The following RBM4B variants were observed in gnomAD, a reference collection of about 807,000 sequenced individuals.
RBM4B encodes the protein RNA-binding protein 4B.
In RBM4B, 13 loss-of-function variants were observed where a neutral mutation model predicts 28.5. The observed-to-expected ratio is 0.46, with a 90% confidence interval of 0.30 to 0.72. RBM4B has a LOEUF of 0.72. RBM4B is among the 30% of genes least tolerant of loss of function. The pLI is 0.09. For missense variants in RBM4B, 387 were observed against 477.6 expected (o/e 0.81, Z 1.77); for synonymous variants, 167 against 179.1 (o/e 0.93, Z 0.54).
chr11:66,667,225 C>T (rs1261560705), intron 3 of RBM4B: 1 of 152,150 alleles, frequency 6.6e-6, no homozygotes, highest in Non-Finnish European at 1.5e-5. Context: ...ATGCCATTTC[C>T]ACTCAGATGA....
At chr11:66,676,416 G>A in intron 2 of RBM4B, 1 of 578,542 alleles carries the variant, frequency 1.7e-6, no homozygotes, top group Non-Finnish European at 3.0e-6. Flanking sequence ...ATCAATGCAA[G>A]AATCCCGCAG....
At chr11:66,677,154 G>A in intron 1 of RBM4B, 63 bp from the exon 2 acceptor site, 1 of 1,558,476 alleles carries the variant, frequency 6.4e-7, no homozygotes, top group Non-Finnish European at 8.7e-7. Context: ...GTGCACTGCA[G>A]CATTTTCGTC....
At chr11:66,666,203 C>A (rs1331490818) in intron 3 of RBM4B, 1 of 862,406 alleles carries the variant, frequency 1.2e-6, no homozygotes, top group Non-Finnish European at 1.6e-6. Context: ...TCCTAGAATT[C>A]TCTAATCCTT....
At chr11:66,677,250 G>A (rs184908253) in intron 1 of RBM4B, 159 bp from the exon 2 acceptor site, 3 of 892,574 alleles carry the variant, frequency 3.4e-6, no homozygotes, top group Non-Finnish European at 5.0e-6. Flanking sequence ...GTTTGTTCTC[G>A]AGAAGTGCGA....
intron 3 of RBM4B, chr11:66,667,713 TAAA>T (rs762628258): frequency 1.9e-4 from 28 of 146,362 alleles, no homozygotes; most frequent in Middle Eastern, 3.2e-3. Context: ...TTTTTTTTTT[TAAA>T]TAAAGGAGAG....
chr11:66,666,593 T>G (rs1939237285), intron 3 of RBM4B: 1 of 187,572 alleles, frequency 5.3e-6, no homozygotes, highest in Non-Finnish European at 1.0e-5. Flanking sequence ...TAGCAATACC[T>G]TTTGAAGACC....
chr11:66,673,808 ATAACT>A (rs936080679), intron 2 of RBM4B, among the ~76,000 whole-genome samples: 1 of 152,192 alleles, frequency 6.6e-6, no homozygotes, highest in African/African-American at 2.4e-5. Flanking sequence ...ACAACTGAAA[ATAACT>A]TAAATTGAAA....
At chr11:66,665,846 C>A in intron 3 of RBM4B, 1 of 1,523,152 alleles carries the variant, frequency 6.6e-7, no homozygotes, top group Non-Finnish European at 8.8e-7. Context: ...CTTTCTTATC[C>A]ATCTTTTAGG....
chr11:66,675,334 G>A (rs1939603433), intron 2 of RBM4B, among the ~76,000 whole-genome samples: 1 of 152,148 alleles, frequency 6.6e-6, no homozygotes, highest in Non-Finnish European at 1.5e-5. Context: ...ATCTTAGTGA[G>A]GAAAATGAAG....
intron 2 of RBM4B, chr11:66,670,958 G>A (rs771110769): frequency 1.0e-5 from 7 of 702,434 alleles, no homozygotes; most frequent in South Asian, 8.9e-5. Context: ...GCAGCTATGC[G>A]AGAGGAAGCC....
At chr11:66,670,390 T>C (rs1041619660) in intron 2 of RBM4B, among the ~76,000 whole-genome samples, 1 of 152,070 alleles carries the variant, frequency 6.6e-6, no homozygotes, top group Admixed American at 6.6e-5. Context: ...ACAATTTTTA[T>C]AGGGATTAAC....
In RBM4B at chr11:66,676,734, C is replaced by T. The variant is rs759169247; in HGVS notation, c.346G>A (p.Val116Ile). The change falls in exon 2 of 4, where the codon GTA becomes ATA. Residue 116 changes from valine to isoleucine, a missense_variant. Val to Ile is a conservative substitution (Grantham distance 29). Coordinates refer to ENST00000310046, the MANE Select transcript of RBM4B (RefSeq NM_031492.4). ...ECDIVKDYAF[V>I]HMERAEDAVE... ...GCATCCTCTGCCCGCTCCATGTGTA[C>T]GAAGGCATAATCTTTCACGATGTCA... 1.9e-6 allele frequency: 3 copies of T among 1,614,132 alleles called. No homozygotes were observed. The highest frequency in any genetic ancestry group is 2.2e-5 in the South Asian group (2 of 91,078).
rs1187049789 is a variant in RBM4B at position 66,668,700 on chromosome 11, G to A, written c.1004C>T (p.Thr335Ile). 1.1e-5 allele frequency: 17 copies of A among 1,614,166 alleles called. No homozygotes were observed. The highest frequency in any genetic ancestry group is 1.4e-5 in the Non-Finnish European group (16 of 1,179,994). The part of the protein sequence containing the change: ...ESELSQASAA[T>I]RNSLYDMARY... ...GGCCATGTCATACAGAGAATTCCGTGTAGCTGCGGAAGCCTGAGATAATTC... is the reference window on the plus strand; with the variant it reads ...GGCCATGTCATACAGAGAATTCCGTATAGCTGCGGAAGCCTGAGATAATTC... Residue 335 changes from threonine (T) to isoleucine (I), a missense_variant, in exon 3 of 4, where the codon ACA becomes ATA. By Grantham distance (89) the Thr-to-Ile change is moderately conservative. This residue lies in a region of RBM4B where 226 missense variants were observed against 220.6 expected (regional missense o/e 1.02). Transcript: ENST00000310046.
At position 66,668,921 on chromosome 11, in the gene RBM4B, G is replaced by C; in HGVS notation, c.783C>G (p.Ser261Arg). The C allele has an allele frequency of 6.2e-7, 1 of 1,614,178 alleles. No homozygotes were observed. Among genetic ancestry groups the C allele is most frequent in the African/African-American group, 1.3e-5 (1 of 75,034 alleles). Residue 261 changes from serine (S) to arginine (R), a missense_variant, in exon 3 of 4, where the codon AGC becomes AGG. Transcript: ENST00000310046. ...LPQVQSTTVT[S>R]HLNSTSVDPY... ...GATCAACAGAAGTAGAGTTGAGGTG[G>C]CTGGTCACAGTTGTGCTTTGGACTT...
At chr11:66,675,008 T>C (rs1939595846) in intron 2 of RBM4B, among the ~76,000 whole-genome samples, 2 of 152,236 alleles carry the variant, frequency 1.3e-5, no homozygotes, top group Non-Finnish European at 2.9e-5. Context: ...CAGTCTCCAC[T>C]GTCCATCATG....
intron 3 of RBM4B, 25 bp from the exon 4 acceptor site, chr11:66,665,603 G>C: frequency 7.8e-6 from 12 of 1,535,892 alleles, no homozygotes; most frequent in Non-Finnish European, 8.7e-6. Context: ...AACACAAGAG[G>C]CTTACACAAT....
In RBM4B at chr11:66,669,048, T is replaced by C; in HGVS notation, c.656A>G (p.Asp219Gly). 6.2e-7 allele frequency: 1 copy of C among 1,614,170 alleles called. No homozygotes were observed. ...GCGGACCCGGTATCGCTTATAGTAG[T>C]CGAGTGCTCCATATGCATCGTTGTA... ...MYYNDAYGAL[D>G]YYKRYRVRSY... Residue 219 changes from aspartate to glycine, a missense_variant, in exon 3 of 4, where the codon GAC becomes GGC. This residue lies in a region of RBM4B where 226 missense variants were observed against 220.6 expected (regional missense o/e 1.02). Transcript: ENST00000310046.
chr11:66,665,797 A>G (rs1257924207), intron 3 of RBM4B: 87 of 1,430,410 alleles, frequency 6.1e-5, no homozygotes, highest in Non-Finnish European at 7.8e-5. Context: ...ATAGGACAAG[A>G]TGCAATCTAG....
chr11:66,669,709 G>A (rs937743877), intron 2 of RBM4B, among the ~76,000 whole-genome samples: 1 of 152,216 alleles, frequency 6.6e-6, no homozygotes, highest in African/African-American at 2.4e-5. Context: ...GCCTCCCAAA[G>A]TGTTGGGATT....
Sources: allele counts gnomAD v4.1 joint callset (sites outside exome capture counted in the v4.1 genomes callset), GRCh38; gene constraint gnomAD v4.1.1; regional missense constraint gnomAD v4.1.1; transcripts MANE v1.5; gene names NCBI Gene and HGNC (gene_info 2026-07-23, HGNC 2026-07-21).